NXPE3: variants seen among roughly 807,000 people sequenced by gnomAD.
NXPE3 encodes neurexophilin and PC-esterase domain family member 3.
A neutral mutation model predicts 46.1 loss-of-function variants in NXPE3; 26 were observed. The observed-to-expected ratio is 0.56, with a 90% confidence interval of 0.41 to 0.78. The LOEUF (loss-of-function observed/expected upper bound fraction) is 0.78. Among genes scored for constraint, NXPE3 ranks in the 30% least tolerant of loss-of-function variants. The pLI is 0.00. For missense variants in NXPE3, 620 were observed against 686.0 expected, an observed-to-expected ratio of 0.90 and a Z score of 1.07; for synonymous variants, 272 against 257.9, an observed-to-expected ratio of 1.05 and a Z score of -0.52.
intron 4 of NXPE3, among the ~76,000 whole-genome samples, chr3:101,791,527 A>G (rs1940518659): frequency 6.6e-6 from 1 of 152,202 alleles, no homozygotes; most frequent in South Asian, 2.1e-4. Context: ...CTGCGATTAC[A>G]GATGTCCACC....
intron 3 of NXPE3, among the ~76,000 whole-genome samples, chr3:101,785,067 G>C (rs1940074266): frequency 2.6e-5 from 4 of 152,190 alleles, no homozygotes; most frequent in South Asian, 2.1e-4. Context: ...GAAGGGAAGT[G>C]ATTTTATTGA....
At chr3:101,820,328 T>C (rs1015118511) in intron 7 of NXPE3, among the ~76,000 whole-genome samples, 1 of 152,126 alleles carries the variant, frequency 6.6e-6, no homozygotes, top group Admixed American at 6.5e-5. Context: ...AATGAAATTG[T>C]GGTTCTCACA....
At chr3:101,806,937 A>G in intron 5 of NXPE3, 116 bp from the exon 6 acceptor site, 1 of 739,392 alleles carries the variant, frequency 1.4e-6, no homozygotes, top group East Asian at 2.5e-5. Context: ...TCATAAGTAT[A>G]TTTCATCATA....
intron 7 of NXPE3, among the ~76,000 whole-genome samples, chr3:101,819,647 G>T (rs942575074): frequency 6.6e-6 from 1 of 152,084 alleles, no homozygotes; most frequent in Non-Finnish European, 1.5e-5. Flanking sequence ...TTAATCAACA[G>T]ATAAGTATAT....
In NXPE3 at chr3:101,785,618, C is replaced by G. The variant is rs1290616473; in HGVS notation, c.22C>G (p.Leu8Val). The part of the protein sequence containing the change: MWTNFFK[L>V]RLFCCLLAVL... The stretch of plus-strand genomic sequence containing the variant: ...GACAATGTGGACCAATTTCTTCAAA[C>G]TACGGCTTTTCTGCTGTCTGCTTGC... Residue 8 changes from leucine (L) to valine (V), a missense_variant, in exon 4 of 8, where the codon CTA becomes GTA. Physicochemically the swap from Leu to Val is conservative, Grantham distance 32. Coordinates refer to ENST00000273347, the MANE Select transcript of NXPE3 (RefSeq NM_145037.4). 1 of 1,614,062 alleles carries G rather than the reference C, an allele frequency of 6.2e-7. No homozygotes were observed.
chr3:101,790,707 C>G (rs958576414), intron 4 of NXPE3, among the ~76,000 whole-genome samples: 1 of 152,150 alleles, frequency 6.6e-6, no homozygotes, highest in Non-Finnish European at 1.5e-5. Flanking sequence ...ATCCTCTCCT[C>G]TCAGCCTTCT....
chr3:101,822,171 GAA>G lies in NXPE3; in HGVS notation c.*218_*219del. On this transcript the variant is annotated 3_prime_UTR_variant, in exon 8 of 8. Transcript: ENST00000273347. ...ATCCAATGTTGACTTAGCCATGGTA[GAA>G]CTCTTAACTGCATCTACACACTATA... 2.0e-6 allele frequency: 1 copy of G among 493,538 alleles called. No homozygotes were observed. The highest frequency in any genetic ancestry group is 3.7e-5 in the South Asian group (1 of 27,114). The allele number at this position is 493,538 out of a possible 1,614,324, so 30.6% of individuals were successfully genotyped here. A position where few individuals can be genotyped will look rare whatever the true frequency, so the allele number is the denominator to read the frequency against.
In NXPE3 at chr3:101,826,102, G is replaced by A. The variant is rs528595376; in HGVS notation, c.*4148G>A. On this transcript the variant is annotated 3_prime_UTR_variant, in exon 8 of 8. Coordinates refer to ENST00000273347, the MANE Select transcript of NXPE3 (RefSeq NM_145037.4). ...AAGTTTCAGATTGAAACTTGATCCA[G>A]TTTAATAACTGAATCCAGTTTCACA... is the stretch of plus-strand genomic sequence containing the variant. The A allele has an allele frequency of 2.3e-4, 35 of 152,150 alleles. No homozygotes were observed. The highest frequency in any genetic ancestry group is 3.9e-4 in the Admixed American group (6 of 15,284). 9.4% of individuals were successfully genotyped at this position (152,150 alleles called of 1,614,324 possible).
Position 101,804,151 on chromosome 3 carries a change from T to C in NXPE3, c.848+2162T>C, listed in dbSNP as rs114207291. ...AAATGATTGTTAACTATAATTGCCCTATAGAGTTACGTTGTCAGTCTACTT... is the reference window on the plus strand; with the variant it reads ...AAATGATTGTTAACTATAATTGCCCCATAGAGTTACGTTGTCAGTCTACTT... On this transcript the variant is annotated intron_variant, in intron 5 of 7. Coordinates refer to ENST00000273347, the MANE Select transcript of NXPE3 (RefSeq NM_145037.4). 9.1e-3 allele frequency among the ~76,000 whole-genome samples: 1,385 copies of C among 152,346 alleles called. 16 individuals are homozygous for C. Among genetic ancestry groups the C allele is most frequent in the African/African-American group, 0.032 (1,318 of 41,578 alleles).
chr3:101,802,704 A>G (rs1340724918), intron 5 of NXPE3, among the ~76,000 whole-genome samples: 1 of 152,012 alleles, frequency 6.6e-6, no homozygotes, highest in Non-Finnish European at 1.5e-5. Context: ...AAATTATTGC[A>G]GTATTGTGTT....
chr3:101,785,259 G>A (rs1042541946), intron 3 of NXPE3, 143 bp from the exon 4 acceptor site: 6 of 184,904 alleles, frequency 3.2e-5, no homozygotes, highest in African/African-American at 9.3e-5. Context: ...ATGAAAAGAC[G>A]TTACTGTGCT....
intron 1 of NXPE3, among the ~76,000 whole-genome samples, chr3:101,781,432 A>G (rs1939818289): frequency 3.9e-5 from 6 of 152,234 alleles, no homozygotes; most frequent in Admixed American, 3.9e-4. Context: ...ACTGCTTTGT[A>G]ATTCTCTTGT....
chr3:101,822,672 T>C lies in NXPE3; in HGVS notation c.*718T>C, dbSNP rs1374157924. The C allele has an allele frequency of 6.6e-6, 1 of 152,226 alleles. No individual in the cohort carries two copies. The highest frequency in any genetic ancestry group is 2.4e-5 in the African/African-American group (1 of 41,454). 9.4% of individuals were successfully genotyped at this position (152,226 alleles called of 1,614,324 possible). A position where few individuals can be genotyped will look rare whatever the true frequency, so the allele number is the denominator to read the frequency against. On this transcript the variant is annotated 3_prime_UTR_variant, in exon 8 of 8. Transcript: ENST00000273347. ...TTTGATTCAGCTAAATTTTATGTGT[T>C]GAATACTTACTCTAGAATAACTACT...
Position 101,826,665 on chromosome 3 carries a change from T to C in NXPE3, c.*4711T>C, listed in dbSNP as rs1207129655. ...GCAGGAGTTTAAAGGACACAGAAGC[T>C]AGGAGAGCAGAAAATGTACTCCACC... On this transcript the variant is annotated 3_prime_UTR_variant, in exon 8 of 8. Transcript: ENST00000273347. The C allele has an allele frequency of 6.6e-6, 1 of 152,180 alleles. No individual in the cohort carries two copies. Among genetic ancestry groups the C allele is most frequent in the East Asian group, 1.9e-4 (1 of 5,206 alleles). The allele number at this position is 152,180 out of a possible 1,614,324, so 9.4% of individuals were successfully genotyped here.
intron 5 of NXPE3, among the ~76,000 whole-genome samples, chr3:101,805,878 G>T (rs911981947): frequency 1.3e-5 from 2 of 151,786 alleles, no homozygotes; most frequent in African/African-American, 2.4e-5. Context: ...AATTATTATT[G>T]TACAATAATA....
intron 7 of NXPE3, among the ~76,000 whole-genome samples, chr3:101,820,898 G>A (rs1343560572): frequency 6.6e-6 from 1 of 152,192 alleles, no homozygotes; most frequent in Non-Finnish European, 1.5e-5. Context: ...AGGAAGGAGA[G>A]GAGCAGACAA....
intron 1 of NXPE3, chr3:101,779,747 C>G (rs770956065): frequency 6.6e-6 from 1 of 152,608 alleles, no homozygotes; most frequent in Non-Finnish European, 1.5e-5. Flanking sequence ...CCTTCACTAA[C>G]CCGGTGCGGA....
At chr3:101,784,918 G>C (rs545278973) in intron 3 of NXPE3, among the ~76,000 whole-genome samples, 1 of 152,190 alleles carries the variant, frequency 6.6e-6, no homozygotes, top group East Asian at 1.9e-4. Context: ...CTCTGTATGA[G>C]AGGGGTAGCA....
Position 101,785,583 on chromosome 3 carries a change from G to GAC in NXPE3, c.-10_-9dup, listed in dbSNP as rs1187660526. On this transcript the variant is annotated 5_prime_UTR_variant, in exon 4 of 8. Transcript: ENST00000273347. ...CATGGTGTCGGCCATGGGTGAACAA[G>GAC]ACACAGCCAGACAATGTGGACCAAT... The GAC allele has an allele frequency of 9.3e-6, 15 of 1,612,500 alleles. No individual in the cohort carries two copies. Among genetic ancestry groups the GAC allele is most frequent in the Admixed American group, 1.7e-5 (1 of 59,872 alleles).
Sources: allele counts gnomAD v4.1 joint callset (sites outside exome capture counted in the v4.1 genomes callset), GRCh38; gene constraint gnomAD v4.1.1; transcripts MANE v1.5; gene names NCBI Gene and HGNC (gene_info 2026-07-23, HGNC 2026-07-21).